LRP11: variants seen among roughly 807,000 people sequenced by gnomAD.
LRP11 encodes the protein LDL receptor related protein 11.
Under a neutral mutation model 43.1 loss-of-function variants are expected in LRP11, and 25 were observed. That is an observed-to-expected ratio of 0.58 (90% CI 0.42 to 0.81). The LOEUF is 0.81. LRP11 is among the 30% of genes least tolerant of loss of function. The pLI is 0.00. For missense variants in LRP11, 623 were observed against 665.1 expected, an observed-to-expected ratio of 0.94 and a Z score of 0.70; for synonymous variants, 316 against 299.4, an observed-to-expected ratio of 1.06 and a Z score of -0.57.
chr6:149,857,694 C>T (rs1776821564), intron 1 of LRP11, among the ~76,000 whole-genome samples: 1 of 152,160 alleles, frequency 6.6e-6, no homozygotes. Flanking sequence ...TAGACCCTGT[C>T]CTCGATGGTT....
At chr6:149,858,706 A>G (rs1776840177) in intron 1 of LRP11, among the ~76,000 whole-genome samples, 1 of 152,136 alleles carries the variant, frequency 6.6e-6, no homozygotes, top group Non-Finnish European at 1.5e-5. Context: ...CCTGTTATTG[A>G]TATTTCTTCA....
At chr6:149,859,636 T>A (rs894227898) in intron 1 of LRP11, among the ~76,000 whole-genome samples, 3 of 151,908 alleles carry the variant, frequency 2.0e-5, no homozygotes, top group Admixed American at 6.6e-5. Flanking sequence ...CCTCCAGCAA[T>A]CCACCTGCGT....
At chr6:149,841,748 AC>A (rs1776551770) in intron 3 of LRP11, among the ~76,000 whole-genome samples, 1 of 152,096 alleles carries the variant, frequency 6.6e-6, no homozygotes, top group African/African-American at 2.4e-5. Flanking sequence ...CCCTGTCTCT[AC>A]TAAAAATACA....
At chr6:149,832,189 G>GTTTTTTT in intron 5 of LRP11, among the ~76,000 whole-genome samples, 2 of 129,254 alleles carry the variant, frequency 1.5e-5, no homozygotes, top group Admixed American at 8.4e-5. Context: ...CATGAGCTAA[G>GTTTTTTT]TCTTTTTTTT....
intron 1 of LRP11, among the ~76,000 whole-genome samples, chr6:149,860,830 T>C (rs113988113): frequency 0.034 from 5,150 of 152,194 alleles, 284 homozygotes; most frequent in African/African-American, 0.12. Flanking sequence ...AGCATAGGAG[T>C]TCAGGCTCCA....
chr6:149,837,559 C>G, intron 3 of LRP11, 96 bp from the exon 4 acceptor site: 1 of 1,292,602 alleles, frequency 7.7e-7, no homozygotes, highest in Non-Finnish European at 1.1e-6. Context: ...ATAAAATGCA[C>G]TTCGGGGAAG....
At chr6:149,832,081 T>G (rs1385594852) in intron 5 of LRP11, among the ~76,000 whole-genome samples, 1 of 152,228 alleles carries the variant, frequency 6.6e-6, no homozygotes, top group Non-Finnish European at 1.5e-5. Flanking sequence ...TTATTATAAT[T>G]CTTCATCATT....
intron 2 of LRP11, among the ~76,000 whole-genome samples, chr6:149,851,375 T>C (rs1293118204): frequency 6.6e-6 from 1 of 152,126 alleles, no homozygotes; most frequent in Non-Finnish European, 1.5e-5. Context: ...AGGGTATGGA[T>C]TAATATGAGA....
chr6:149,841,174 G>A (rs559475402), intron 3 of LRP11, among the ~76,000 whole-genome samples: 1 of 152,262 alleles, frequency 6.6e-6, no homozygotes, highest in South Asian at 2.1e-4. Context: ...TAACTCCTTA[G>A]AAAATTTCAT....
At chr6:149,823,232 C>T (rs1178530179) in intron 6 of LRP11, among the ~76,000 whole-genome samples, 1 of 152,084 alleles carries the variant, frequency 6.6e-6, no homozygotes, top group East Asian at 1.9e-4. Context: ...CTGGAGAGCC[C>T]CCTGGATTTA....
At chr6:149,826,601 C>T (rs1168656484) in intron 5 of LRP11, among the ~76,000 whole-genome samples, 4 of 102,766 alleles carry the variant, frequency 3.9e-5, no homozygotes, top group East Asian at 1.3e-3. Flanking sequence ...ACACACCCTG[C>T]ACCGAACTAC....
intron 1 of LRP11, among the ~76,000 whole-genome samples, chr6:149,856,545 T>C (rs1393682689): frequency 6.6e-6 from 1 of 152,182 alleles, no homozygotes; most frequent in East Asian, 1.9e-4. Context: ...TTAAAATGTG[T>C]GACTTGCTAA....
chr6:149,829,666 G>A (rs1776384186), intron 5 of LRP11, among the ~76,000 whole-genome samples: 1 of 151,724 alleles, frequency 6.6e-6, no homozygotes, highest in African/African-American at 2.4e-5. Flanking sequence ...TTTTTTCAGA[G>A]GACTAACTGG....
chr6:149,849,754 G>A (rs1290124530), intron 2 of LRP11, among the ~76,000 whole-genome samples: 1 of 152,164 alleles, frequency 6.6e-6, no homozygotes, highest in African/African-American at 2.4e-5. Context: ...ATGAATAAAC[G>A]AATGAATGAG....
rs1310930827 is a variant in LRP11, at chr6:149,821,773, T to C, written c.1349-1070A>G. On this transcript the variant is annotated intron_variant, in intron 6 of 6. Transcript: ENST00000239367. Reference sequence around the variant, plus strand: ...TAGCTGTAGGGATCTTGCCAACTGGTAGAACTAGAGGAGAAACATCTCCTT... The same window carrying C: ...TAGCTGTAGGGATCTTGCCAACTGGCAGAACTAGAGGAGAAACATCTCCTT... Among the ~76,000 whole-genome samples the C allele has an allele frequency of 2.6e-5, 4 of 152,242 alleles. No homozygotes were observed. The East Asian group carries it at 7.7e-4, about 29-fold the overall frequency.
intron 6 of LRP11, among the ~76,000 whole-genome samples, chr6:149,822,554 A>G (rs1280594416): frequency 3.9e-5 from 6 of 151,958 alleles, no homozygotes; most frequent in Non-Finnish European, 7.4e-5. Flanking sequence ...GTTAAGTGGT[A>G]GAGCTAGCAA....
chr6:149,835,865 A>G (rs2275046), intron 5 of LRP11, among the ~76,000 whole-genome samples: 81,414 of 152,008 alleles, frequency 0.54, 25,038 homozygotes, highest in East Asian at 0.83. Flanking sequence ...TAAATGTATT[A>G]GTGTCTCTGG....
chr6:149,852,490 G>A (rs967073463), intron 2 of LRP11: 1 of 152,252 alleles, frequency 6.6e-6, no homozygotes, highest in African/African-American at 2.4e-5. Context: ...CCGGGCAGGA[G>A]CCCCGGGCAG....
At chr6:149,824,637 T>G (rs1240415695) in intron 6 of LRP11, among the ~76,000 whole-genome samples, 1 of 152,094 alleles carries the variant, frequency 6.6e-6, no homozygotes, top group African/African-American at 2.4e-5. Context: ...GGCAGGAGGA[T>G]CACTTGAGGT....
Sources: allele counts gnomAD v4.1 joint callset (sites outside exome capture counted in the v4.1 genomes callset), GRCh38; gene constraint gnomAD v4.1.1; transcripts MANE v1.5; gene names NCBI Gene and HGNC (gene_info 2026-07-23, HGNC 2026-07-21).